EXOC1L: variants seen among roughly 807,000 people sequenced by gnomAD.
The protein encoded by EXOC1L is exocyst complex component 1 like.
A neutral mutation model predicts 4.9 loss-of-function variants in EXOC1L; 10 were observed. The ratio of observed to expected loss-of-function variants is 2.02; its 90% CI spans 1.25 to 3.43. EXOC1L has a LOEUF of 3.43. EXOC1L is among the 30% of genes most tolerant of loss of function. EXOC1L has a pLI of 0.00. For synonymous variants in EXOC1L, 41 were observed against 20.8 expected (o/e 1.97, Z -2.63); for missense variants, 114 against 59.4 (o/e 1.92, Z -3.02).
chr4:55,821,861 C>T (rs913829553), intron 1 of EXOC1L, among the ~76,000 whole-genome samples: 4 of 152,094 alleles, frequency 2.6e-5, no homozygotes, highest in African/African-American at 9.7e-5. Context: ...AGCACTTTCT[C>T]CAAATGTAAC....
rs1466458335 is a variant in EXOC1L at position 55,831,389 on chromosome 4, A to G, written c.177A>G (p.Leu59=). ...TGGTGAAACACTACAGAATAGGTTT[A>G]GATGAAAAATATGAAGTAACAAAAA... ...IVMVKHYRIG[L]DEKYEVTKKW... is the part of the protein sequence containing the mutation. The change falls in exon 2 of 3, where the codon TTA becomes TTG. Residue 59 remains leucine, a synonymous_variant. Transcript: ENST00000636125. The G allele has an allele frequency of 1.4e-6, 1 of 694,366 alleles. No individual in the cohort carries two copies. Among genetic ancestry groups the G allele is most frequent in the Non-Finnish European group, 2.6e-6 (1 of 381,332 alleles). The allele number at this position is 694,366 out of a possible 1,614,324, so 43.0% of individuals were successfully genotyped here.
rs977419400 is a variant in EXOC1L, at chr4:55,837,234, A to G, written c.402A>G (p.Thr134=). 9 of 701,784 alleles carry G rather than the reference A, an allele frequency of 1.3e-5. No homozygotes were observed. Among genetic ancestry groups the G allele is most frequent in the East Asian group, 2.7e-5 (1 of 37,254 alleles). 43.5% of individuals were successfully genotyped at this position (701,784 alleles called of 1,614,324 possible). The change falls in exon 3 of 3, where the codon ACA becomes ACG. Residue 134 remains threonine, a synonymous_variant. Transcript: ENST00000636125. ...TACAGATCGTGAACTTTGATTCTAC[A>G]TACATTAACGATGATTCCATTTGGT... ...KDLQIVNFDS[T]YINDDSIWSS...
At chr4:55,826,080 C>T (rs557073023) in intron 1 of EXOC1L, among the ~76,000 whole-genome samples, 64 of 113,042 alleles carry the variant, frequency 5.7e-4, no homozygotes, top group Middle Eastern at 6.6e-3. Flanking sequence ...AGCGAAACTC[C>T]ATCTCAAAAA....
chr4:55,831,504 G>A (rs1296726136), intron 2 of EXOC1L, 40 bp downstream of exon 2: 1 of 653,466 alleles, frequency 1.5e-6, no homozygotes, highest in Non-Finnish European at 2.7e-6. Context: ...GAATCAATAT[G>A]CTGGAGATCT....
intron 2 of EXOC1L, among the ~76,000 whole-genome samples, chr4:55,835,329 A>G (rs1720133051): frequency 6.6e-6 from 1 of 151,878 alleles, no homozygotes; most frequent in South Asian, 2.1e-4. Flanking sequence ...ATGTGTAAGT[A>G]TCTTTTTAAT....
At position 55,837,296 on chromosome 4, in the gene EXOC1L, T is replaced by A; in HGVS notation, c.464T>A (p.Ile155Lys). The A allele has an allele frequency of 1.5e-6, 1 of 684,936 alleles. No individual in the cohort carries two copies. Among genetic ancestry groups the A allele is most frequent in the South Asian group, 1.5e-5 (1 of 64,844 alleles). 42.4% of individuals were successfully genotyped at this position (684,936 alleles called of 1,614,324 possible). Residue 155 changes from isoleucine (I) to lysine (K), a missense_variant, in exon 3 of 3, where the codon ATA (isoleucine) becomes AAA (lysine). By Grantham distance (102) the Ile-to-Lys change is moderately radical. Coordinates refer to ENST00000636125, the MANE Select transcript of EXOC1L (RefSeq NM_001351574.3). ...AAGGATTGTTTGGTCCTTATGAGAATATGCTTTTACGCTTTCAATCTTGTG... is the reference window on the plus strand; with the variant it reads ...AAGGATTGTTTGGTCCTTATGAGAAAATGCTTTTACGCTTTCAATCTTGTG... ...NNKDCLVLMR[I>K]CFYAFNLVCL...
intron 2 of EXOC1L, among the ~76,000 whole-genome samples, chr4:55,832,210 C>T (rs140495354): frequency 1.7e-3 from 254 of 152,052 alleles, no homozygotes; most frequent in African/African-American, 5.8e-3. Context: ...TCCCTCTAGA[C>T]GGAAAGCTCC....
intron 2 of EXOC1L, among the ~76,000 whole-genome samples, chr4:55,836,215 G>A (rs767241043): frequency 2.8e-4 from 42 of 151,848 alleles, no homozygotes; most frequent in Non-Finnish European, 5.2e-4. Flanking sequence ...TTAGGGCAAT[G>A]TTTGCCTCCA....
chr4:55,831,913 G>T (rs1259922147), intron 2 of EXOC1L, among the ~76,000 whole-genome samples: 1 of 151,962 alleles, frequency 6.6e-6, no homozygotes, highest in East Asian at 1.9e-4. Flanking sequence ...AGTGGAGAAA[G>T]AGTAAATACT....
At chr4:55,835,663 T>C (rs1713767481) in intron 2 of EXOC1L, among the ~76,000 whole-genome samples, 1 of 151,932 alleles carries the variant, frequency 6.6e-6, no homozygotes, top group South Asian at 2.1e-4. Context: ...CTTTTAAGAA[T>C]TGCCTATTCA....
intron 2 of EXOC1L, among the ~76,000 whole-genome samples, chr4:55,835,952 T>C (rs1047883558): frequency 2.0e-5 from 3 of 151,938 alleles, no homozygotes; most frequent in Non-Finnish European, 4.4e-5. Context: ...ATTATTCGCA[T>C]GTAAATTTCA....
At chr4:55,823,088 T>C (rs1223373932) in intron 1 of EXOC1L, among the ~76,000 whole-genome samples, 1 of 151,754 alleles carries the variant, frequency 6.6e-6, no homozygotes, top group Non-Finnish European at 1.5e-5. Flanking sequence ...TTCTCATATT[T>C]CTAGAAAAAC....
At chr4:55,828,315 G>A (rs958017807) in intron 1 of EXOC1L, among the ~76,000 whole-genome samples, 6 of 152,198 alleles carry the variant, frequency 3.9e-5, no homozygotes, top group Middle Eastern at 6.8e-3. Context: ...GGAAATTCAC[G>A]ATCTTCTTCC....
intron 1 of EXOC1L, among the ~76,000 whole-genome samples, chr4:55,820,807 T>A (rs752965859): frequency 6.6e-6 from 1 of 152,240 alleles, no homozygotes; most frequent in Non-Finnish European, 1.5e-5. Context: ...TTTACCCTCA[T>A]GTTTCCAAAA....
intron 1 of EXOC1L, among the ~76,000 whole-genome samples, chr4:55,824,566 A>G (rs770275133): frequency 6.6e-6 from 1 of 151,828 alleles, no homozygotes; most frequent in Non-Finnish European, 1.5e-5. Flanking sequence ...GTCTCGCTAT[A>G]TTGCCCAGGC....
At chr4:55,827,925 C>T (rs567554509) in intron 1 of EXOC1L, among the ~76,000 whole-genome samples, 41 of 152,308 alleles carry the variant, frequency 2.7e-4, no homozygotes, top group Admixed American at 1.5e-3. Flanking sequence ...CTAACATCTA[C>T]ACCAGTGGAG....
intron 2 of EXOC1L, among the ~76,000 whole-genome samples, chr4:55,835,061 G>A (rs1019461299): frequency 5.3e-5 from 8 of 151,796 alleles, no homozygotes; most frequent in Non-Finnish European, 1.2e-4. Context: ...TCCCACTTAT[G>A]AGTGAGAATA....
intron 1 of EXOC1L, among the ~76,000 whole-genome samples, chr4:55,823,542 A>G (rs919092891): frequency 3.3e-5 from 5 of 152,214 alleles, no homozygotes; most frequent in South Asian, 2.1e-4. Context: ...AAAAATTTTC[A>G]TATAATTAAA....
intron 1 of EXOC1L, among the ~76,000 whole-genome samples, chr4:55,820,460 T>C (rs1719712584): frequency 6.6e-6 from 1 of 152,256 alleles, no homozygotes; most frequent in Non-Finnish European, 1.5e-5. Flanking sequence ...CATGCAATTT[T>C]ATTGTGCAAG....
Sources: gnomAD v4.1 joint callset for allele counts (sites outside exome capture counted in the v4.1 genomes callset) on GRCh38, gnomAD v4.1.1 for gene constraint, MANE v1.5 for transcripts, NCBI Gene and HGNC (gene_info 2026-07-23, HGNC 2026-07-21) for gene names.